Variants in RABGAP1L observed in about 807,000 individuals in gnomAD.
RABGAP1L encodes the protein RAB GTPase activating protein 1 like, also known as rab GTPase-activating protein 1-like.
A neutral mutation model predicts 137.7 loss-of-function variants in RABGAP1L; 63 were observed. The observed-to-expected ratio is 0.46, with a 90% CI of 0.37 to 0.56. The LOEUF (loss-of-function observed/expected upper bound fraction) is 0.56, where lower values mean the gene tolerates loss of function less well. RABGAP1L is among the 20% of genes least tolerant of loss of function. The pLI, the probability that RABGAP1L is intolerant of heterozygous loss-of-function variation, is 0.00. For synonymous variants in RABGAP1L, 431 were observed against 433.7 expected (o/e 0.99, Z 0.08); for missense variants, 1,095 against 1,244.0 (o/e 0.88, Z 1.80).
chr1:174,946,432 G>A (rs918393225), intron 19 of RABGAP1L, among the ~76,000 whole-genome samples: 3 of 152,086 alleles, frequency 2.0e-5, no homozygotes, highest in Non-Finnish European at 4.4e-5. Context: ...TTGAGCCCAG[G>A]AGTTCATAGC....
chr1:174,300,986 C>T (rs1043391635), intron 10 of RABGAP1L, among the ~76,000 whole-genome samples: 3 of 152,218 alleles, frequency 2.0e-5, no homozygotes, highest in Admixed American at 2.0e-4. Flanking sequence ...GTTGGTAACA[C>T]CCCTGTCCGG....
intron 13 of RABGAP1L, among the ~76,000 whole-genome samples, chr1:174,602,881 A>G (rs933025254): frequency 6.6e-6 from 1 of 152,062 alleles, no homozygotes; most frequent in Admixed American, 6.5e-5. Flanking sequence ...TGCTTCTTCA[A>G]AATAGGTATT....
chr1:174,582,152 G>A (rs1668791506), intron 13 of RABGAP1L, among the ~76,000 whole-genome samples: 1 of 152,108 alleles, frequency 6.6e-6, no homozygotes, highest in African/African-American at 2.4e-5. Flanking sequence ...CAGGTGGATT[G>A]TTTGAGCCCA....
chr1:174,778,778 T>A (rs934821245), intron 18 of RABGAP1L, among the ~76,000 whole-genome samples: 6 of 152,200 alleles, frequency 3.9e-5, no homozygotes, highest in African/African-American at 1.4e-4. Context: ...GTATTTTTAG[T>A]AGAGATGGGG....
At chr1:174,762,113 G>T (rs1685275215) in intron 18 of RABGAP1L, among the ~76,000 whole-genome samples, 1 of 152,122 alleles carries the variant, frequency 6.6e-6, no homozygotes, top group Non-Finnish European at 1.5e-5. Flanking sequence ...ACTGCAACAA[G>T]AGAGTGAGGG....
At chr1:174,465,642 AT>A (rs751877599) in intron 13 of RABGAP1L, among the ~76,000 whole-genome samples, 29 of 152,342 alleles carry the variant, frequency 1.9e-4, no homozygotes, top group Admixed American at 1.6e-3. Flanking sequence ...GTAAAAAAAA[AT>A]AAGATAATTT....
intron 7 of RABGAP1L, among the ~76,000 whole-genome samples, chr1:174,270,773 T>C (rs1674498654): frequency 6.6e-6 from 1 of 152,160 alleles, no homozygotes; most frequent in African/African-American, 2.4e-5. Flanking sequence ...TGTTAACTTA[T>C]TATGGTGACT....
At chr1:174,674,561 T>C (rs1315899632) in intron 14 of RABGAP1L, among the ~76,000 whole-genome samples, 1 of 151,674 alleles carries the variant, frequency 6.6e-6, no homozygotes, top group Non-Finnish European at 1.5e-5. Context: ...TGTGCACGTG[T>C]CTTTATAGCA....
chr1:174,869,510 C>T (rs1651844041), intron 19 of RABGAP1L, among the ~76,000 whole-genome samples: 1 of 152,150 alleles, frequency 6.6e-6, no homozygotes, highest in African/African-American at 2.4e-5. Flanking sequence ...GCCTCTCCAG[C>T]CATGTAGAAC....
chr1:174,327,990 T>TATATATATATATATATATACACAC (rs1680650075), intron 11 of RABGAP1L, among the ~76,000 whole-genome samples: 2 of 36,364 alleles, frequency 5.5e-5, no homozygotes, highest in South Asian at 1.5e-3. Flanking sequence ...CACACACATA[T>TATATATATATATATATATACACAC]ATATATATAT....
chr1:174,307,059 T>C (rs1023075723), intron 11 of RABGAP1L, among the ~76,000 whole-genome samples: 1 of 152,024 alleles, frequency 6.6e-6, no homozygotes, highest in Middle Eastern at 3.4e-3. Context: ...ATTTCAAATA[T>C]GTTAACTTAT....
intron 13 of RABGAP1L, among the ~76,000 whole-genome samples, chr1:174,411,266 C>T (rs1438464349): frequency 2.0e-5 from 3 of 152,006 alleles, no homozygotes; most frequent in African/African-American, 7.2e-5. Flanking sequence ...ACTTCCATTA[C>T]TATGTTGAAT....
intron 19 of RABGAP1L, among the ~76,000 whole-genome samples, chr1:174,850,721 A>G (rs1648164281): frequency 6.6e-6 from 1 of 152,230 alleles, no homozygotes; most frequent in Non-Finnish European, 1.5e-5. Context: ...ATGTTTTGCC[A>G]TATGGCACAG....
chr1:174,280,673 G>A (rs1675444245), intron 10 of RABGAP1L, among the ~76,000 whole-genome samples: 1 of 152,164 alleles, frequency 6.6e-6, no homozygotes, highest in Non-Finnish European at 1.5e-5. Flanking sequence ...TTCATTCATT[G>A]TCCATTTACT....
intron 24 of RABGAP1L, 55 bp from the exon 25 acceptor site, chr1:174,988,586 G>A (rs2149399481): frequency 1.5e-6 from 2 of 1,350,118 alleles, no homozygotes; most frequent in Non-Finnish European, 1.9e-6. Context: ...TGTTTCAGAA[G>A]GTGATTTAGC....
chr1:174,437,837 C>T (rs1243163745), intron 13 of RABGAP1L, among the ~76,000 whole-genome samples: 3 of 152,270 alleles, frequency 2.0e-5, no homozygotes, highest in Admixed American at 2.0e-4. Context: ...GGGTTACCCA[C>T]AAAGGGAAGC....
intron 19 of RABGAP1L, among the ~76,000 whole-genome samples, chr1:174,908,758 G>A (rs1573776047): frequency 6.6e-6 from 1 of 150,450 alleles, no homozygotes; most frequent in South Asian, 2.1e-4. Flanking sequence ...GGTCAGGCTG[G>A]TCTCAAACTC....
At chr1:174,340,859 C>T (rs1455355548) in intron 11 of RABGAP1L, among the ~76,000 whole-genome samples, 1 of 152,184 alleles carries the variant, frequency 6.6e-6, no homozygotes, top group African/African-American at 2.4e-5. Flanking sequence ...TTGTCTTCCA[C>T]AATGGTTGAA....
intron 19 of RABGAP1L, among the ~76,000 whole-genome samples, chr1:174,942,669 A>G (rs1430724056): frequency 6.6e-6 from 1 of 152,226 alleles, no homozygotes. Flanking sequence ...TAAAGCATAT[A>G]GCACTCAGTG....
Sources: gnomAD v4.1 joint callset for allele counts (sites outside exome capture counted in the v4.1 genomes callset) on GRCh38, gnomAD v4.1.1 for gene constraint, MANE v1.5 for transcripts, NCBI Gene and HGNC (gene_info 2026-07-23, HGNC 2026-07-21) for gene names.